MAPK4: variants seen among roughly 807,000 people sequenced by gnomAD.
The protein encoded by MAPK4 is Erk3-related.
Under a neutral mutation model 47.7 loss-of-function variants are expected in MAPK4, and 22 were observed. The ratio of observed to expected loss-of-function variants is 0.46; its 90% CI spans 0.33 to 0.66. MAPK4 has a LOEUF of 0.66. Among genes scored for constraint, MAPK4 ranks in the 30% least tolerant of loss-of-function variants. The pLI, the probability that MAPK4 is intolerant of heterozygous loss-of-function variation, is 0.02. For missense variants in MAPK4, 736 were observed against 831.7 expected, an observed-to-expected ratio of 0.88 and a Z score of 1.42; for synonymous variants, 390 against 365.7, an observed-to-expected ratio of 1.07 and a Z score of -0.76.
rs1386276395 is a variant in MAPK4, at chr18:50,665,868, TG to T, written c.546+1368del. Among the ~76,000 whole-genome samples the T allele has an allele frequency of 2.0e-5, 3 of 152,190 alleles. No homozygotes were observed. The East Asian group carries it at 5.8e-4, about 29-fold the overall frequency. On this transcript the variant is annotated intron_variant, in intron 2 of 5. Transcript: ENST00000400384. ...TCTGTAGGAAGGAATGTCCATGGGC[TG>T]GGGCCTGGGGAGGCAGGGAGAAACA...
intron 3 of MAPK4, among the ~76,000 whole-genome samples, chr18:50,717,723 T>G (rs1246645714): frequency 1.3e-5 from 2 of 152,210 alleles, no homozygotes; most frequent in East Asian, 3.9e-4. Flanking sequence ...CAAGATTCCC[T>G]GTGGCCCCAC....
intron 1 of MAPK4, among the ~76,000 whole-genome samples, chr18:50,633,040 A>T (rs2042846930): frequency 6.6e-6 from 1 of 152,150 alleles, no homozygotes; most frequent in Admixed American, 6.5e-5. Context: ...GCCTTAACAA[A>T]GGTTAAGGCT....
chr18:50,568,195 CAA>C (rs760481992), intron 1 of MAPK4, among the ~76,000 whole-genome samples: 47 of 92,234 alleles, frequency 5.1e-4, no homozygotes, highest in Middle Eastern at 6.6e-3. Flanking sequence ...GACGCTGTCC[CAA>C]AAAAAAAAAA....
At chr18:50,714,247 A>C (rs575239168) in intron 2 of MAPK4, among the ~76,000 whole-genome samples, 6 of 152,306 alleles carry the variant, frequency 3.9e-5, no homozygotes, top group African/African-American at 1.4e-4. Context: ...AGGGAATTCA[A>C]ATGGACATTT....
intron 4 of MAPK4, among the ~76,000 whole-genome samples, chr18:50,724,947 T>G (rs1211968986): frequency 2.0e-5 from 3 of 152,218 alleles, no homozygotes; most frequent in Admixed American, 2.0e-4. Context: ...ACTTCTAGGC[T>G]AGTCCTTGCG....
At chr18:50,676,112 A>C (rs1053637549) in intron 2 of MAPK4, among the ~76,000 whole-genome samples, 6 of 152,218 alleles carry the variant, frequency 3.9e-5, no homozygotes, top group African/African-American at 1.4e-4. Context: ...TCTATTTTAC[A>C]TGAATATGGT....
Position 50,664,602 on chromosome 18 carries a change from G to T in MAPK4, c.546+98G>T, listed in dbSNP as rs2144257357. The T allele has an allele frequency of 7.4e-7, 1 of 1,350,242 alleles. No homozygotes were observed. Among genetic ancestry groups the T allele is most frequent in the South Asian group, 1.4e-5 (1 of 70,832 alleles). The allele number at this position is 1,350,242 out of a possible 1,614,324, so 83.6% of individuals were successfully genotyped here. ...ATTCCTAGCTCCATGGTAGTCAGAGGACTAGAGTTAGTAATTAGGGGAGGC... is the reference window on the plus strand; with the variant it reads ...ATTCCTAGCTCCATGGTAGTCAGAGTACTAGAGTTAGTAATTAGGGGAGGC... On this transcript the variant is annotated intron_variant, in intron 2 of 5. Coordinates refer to ENST00000400384, the MANE Select transcript of MAPK4 (RefSeq NM_002747.4). This position sits in a 1 kb window ranked among gnomAD's most constrained non-coding sequence, Gnocchi z 6.0.
At chr18:50,610,249 C>T (rs2042621059) in intron 1 of MAPK4, among the ~76,000 whole-genome samples, 1 of 152,180 alleles carries the variant, frequency 6.6e-6, no homozygotes. Context: ...AGGACAGAAG[C>T]TTGGAGAAGT....
At chr18:50,694,750 C>T (rs531831338) in intron 2 of MAPK4, among the ~76,000 whole-genome samples, 96 of 152,264 alleles carry the variant, frequency 6.3e-4, no homozygotes, top group African/African-American at 2.3e-3. Flanking sequence ...TTTGCCAACA[C>T]CCAGCTCTCC....
intron 1 of MAPK4, among the ~76,000 whole-genome samples, chr18:50,577,962 T>C (rs1403292118): frequency 6.6e-6 from 1 of 152,210 alleles, no homozygotes; most frequent in African/African-American, 2.4e-5. Flanking sequence ...CTGGTTTCTG[T>C]AACATTAAGG....
chr18:50,728,970 A>G (rs573191130), intron 5 of MAPK4, among the ~76,000 whole-genome samples, 188 bp from the exon 6 acceptor site: 32 of 152,380 alleles, frequency 2.1e-4, no homozygotes, highest in African/African-American at 7.7e-4. Context: ...ACAAGAGTTA[A>G]GCCGAACAAT....
At chr18:50,705,762 C>T (rs1024019982) in intron 2 of MAPK4, 10 of 152,226 alleles carry the variant, frequency 6.6e-5, no homozygotes, top group Non-Finnish European at 1.3e-4. Flanking sequence ...CCTTGACTCA[C>T]TCTGGTCTCT....
intron 1 of MAPK4, among the ~76,000 whole-genome samples, chr18:50,627,510 G>C (rs2042789348): frequency 6.6e-6 from 1 of 152,228 alleles, no homozygotes; most frequent in Non-Finnish European, 1.5e-5. Context: ...ACCGAGCCTT[G>C]AGATCCTTCT....
At chr18:50,683,077 AT>A (rs776725862) in intron 2 of MAPK4, among the ~76,000 whole-genome samples, 2 of 152,148 alleles carry the variant, frequency 1.3e-5, no homozygotes, top group African/African-American at 4.8e-5. Context: ...ATGGAAAGGG[AT>A]TACAAAGAGG....
intron 1 of MAPK4, among the ~76,000 whole-genome samples, chr18:50,631,229 G>A (rs1342027691): frequency 6.6e-6 from 1 of 152,000 alleles, no homozygotes; most frequent in Non-Finnish European, 1.5e-5. Flanking sequence ...TGGTGATATT[G>A]CAGTTCTGAA....
At chr18:50,579,030 T>C (rs1479421825) in intron 1 of MAPK4, among the ~76,000 whole-genome samples, 1 of 151,920 alleles carries the variant, frequency 6.6e-6, no homozygotes. Flanking sequence ...GGTAAAGAAT[T>C]GGATGAGGAG....
intron 5 of MAPK4, among the ~76,000 whole-genome samples, chr18:50,726,421 A>T (rs1361509250): frequency 6.6e-6 from 1 of 152,080 alleles, no homozygotes. Context: ...CCATGACTCT[A>T]CTGAACATGG....
At chr18:50,598,812 A>T (rs908389239) in intron 1 of MAPK4, among the ~76,000 whole-genome samples, 1 of 152,114 alleles carries the variant, frequency 6.6e-6, no homozygotes, top group African/African-American at 2.4e-5. Context: ...AGTACTAGTC[A>T]GATGTCCCTG....
At chr18:50,583,077 G>A (rs550218069) in intron 1 of MAPK4, among the ~76,000 whole-genome samples, 7 of 152,298 alleles carry the variant, frequency 4.6e-5, no homozygotes, top group Non-Finnish European at 5.9e-5. Context: ...AGAGGAATGA[G>A]GTGCATGGAC....
Sources: gnomAD v4.1 joint callset for allele counts (sites outside exome capture counted in the v4.1 genomes callset) on GRCh38, gnomAD v4.1.1 for gene constraint, Gnocchi (gnomAD v3.1) non-coding constraint, MANE v1.5 for transcripts, NCBI Gene and HGNC (gene_info 2026-07-23, HGNC 2026-07-21) for gene names.